The following UMAD1 variants were observed in gnomAD, a reference collection of about 807,000 sequenced individuals.
The protein encoded by UMAD1 is UBAP1-MVB12-associated (UMA) domain containing 1, also known as UBAP1-MVB12-associated (UMA)-domain containing protein 1.
Under a neutral mutation model 6.1 loss-of-function variants are expected in UMAD1, and 8 were observed. That is an observed-to-expected ratio of 1.30 (90% CI 0.76 to 2.35). The LOEUF (loss-of-function observed/expected upper bound fraction) is 2.35, where lower values mean the gene tolerates loss of function less well. UMAD1 is among the 30% of genes most tolerant of loss of function. The pLI is 0.00. For missense variants in UMAD1, 130 were observed against 78.4 expected (o/e 1.66, Z -2.49); for synonymous variants, 56 against 31.4 (o/e 1.78, Z -2.61).
intron 3 of UMAD1, among the ~76,000 whole-genome samples, chr7:7,848,220 C>T (rs1783847624): frequency 6.6e-6 from 1 of 152,176 alleles, no homozygotes; most frequent in Non-Finnish European, 1.5e-5. Context: ...TTAACAGACT[C>T]TGTTGTACTA....
chr7:7,827,045 A>G (rs975829219), intron 3 of UMAD1, among the ~76,000 whole-genome samples: 35 of 151,970 alleles, frequency 2.3e-4, no homozygotes, highest in African/African-American at 8.5e-4. Flanking sequence ...CCCCATTTGC[A>G]TAGTGCTGTG....
At chr7:7,711,742 G>T (rs994650558) in intron 2 of UMAD1, among the ~76,000 whole-genome samples, 1 of 151,964 alleles carries the variant, frequency 6.6e-6, no homozygotes, top group Non-Finnish European at 1.5e-5. Flanking sequence ...AAATTTTGTT[G>T]CATTTTAATG....
intron 1 of UMAD1, among the ~76,000 whole-genome samples, chr7:7,648,116 T>A (rs1785139226): frequency 6.6e-6 from 1 of 152,218 alleles, no homozygotes; most frequent in Non-Finnish European, 1.5e-5. Context: ...AACAGGCTGA[T>A]ACCAGCCAGT....
intron 3 of UMAD1, among the ~76,000 whole-genome samples, chr7:7,818,282 C>T (rs79876960): frequency 5.3e-5 from 8 of 152,164 alleles, no homozygotes; most frequent in African/African-American, 1.9e-4. Flanking sequence ...AGGCCTCCAG[C>T]TCCATCCATG....
In UMAD1 at chr7:7,784,908, G is replaced by T. The variant is rs867452122; in HGVS notation, c.83-16762G>T. ...CTCCCGAGTAGCTGGGACTACAGGC[G>T]CCCGCCACCTCGCCCGGCTAATTTT... On this transcript the variant is annotated intron_variant, in intron 2 of 3. Coordinates refer to ENST00000682710, the MANE Select transcript of UMAD1 (RefSeq NM_001302348.2). Among the ~76,000 whole-genome samples, 4 of 150,690 alleles carry T rather than the reference G, an allele frequency of 2.7e-5. 1 individual carries two copies. The highest frequency in any genetic ancestry group is 6.6e-5 in the Admixed American group (1 of 15,162).
intron 2 of UMAD1, chr7:7,738,671 A>G (rs1781406035): frequency 6.6e-6 from 1 of 152,168 alleles, no homozygotes; most frequent in African/African-American, 2.4e-5. Context: ...ATATGTAGGC[A>G]TTTCTGTATA....
At chr7:7,710,027 A>T (rs1780712991) in intron 2 of UMAD1, among the ~76,000 whole-genome samples, 1 of 152,178 alleles carries the variant, frequency 6.6e-6, no homozygotes, top group Non-Finnish European at 1.5e-5. Flanking sequence ...ATATAAATCG[A>T]GTCACTCACA....
chr7:7,759,105 T>C (rs534363435), intron 2 of UMAD1, among the ~76,000 whole-genome samples: 1 of 152,338 alleles, frequency 6.6e-6, no homozygotes, highest in South Asian at 2.1e-4. Flanking sequence ...TTGTTTGTGT[T>C]ACCTCACAGG....
intron 3 of UMAD1, among the ~76,000 whole-genome samples, chr7:7,815,164 C>G (rs934716050): frequency 6.6e-6 from 1 of 152,224 alleles, no homozygotes; most frequent in Admixed American, 6.5e-5. Flanking sequence ...TTTCATAACC[C>G]TTGCTGTAGT....
chr7:7,754,621 G>A (rs371510460), intron 2 of UMAD1, among the ~76,000 whole-genome samples: 2 of 152,194 alleles, frequency 1.3e-5, no homozygotes, highest in African/African-American at 2.4e-5. Context: ...AGAACTTGAA[G>A]TGTAACAAAT....
chr7:7,706,923 A>C (rs564971384), intron 2 of UMAD1, among the ~76,000 whole-genome samples: 2 of 152,334 alleles, frequency 1.3e-5, no homozygotes, highest in South Asian at 4.1e-4. Flanking sequence ...ATCCTAACAG[A>C]GGCCCAGGGA....
At chr7:7,807,122 A>C (rs535627317) in intron 3 of UMAD1, among the ~76,000 whole-genome samples, 1 of 152,240 alleles carries the variant, frequency 6.6e-6, no homozygotes, top group South Asian at 2.1e-4. Context: ...ATTTGTGGAA[A>C]ATTTAGCAAA....
intron 2 of UMAD1, among the ~76,000 whole-genome samples, chr7:7,746,382 A>G (rs547447328): frequency 4.9e-4 from 74 of 152,318 alleles, no homozygotes; most frequent in African/African-American, 1.8e-3. Context: ...CAAAGAAAAT[A>G]TACAATTTTA....
At chr7:7,645,370 A>C (rs1056625677) in intron 1 of UMAD1, among the ~76,000 whole-genome samples, 1 of 152,182 alleles carries the variant, frequency 6.6e-6, no homozygotes, top group Non-Finnish European at 1.5e-5. Flanking sequence ...GCAACTTAGT[A>C]CTTATGTGGT....
chr7:7,737,459 G>A (rs1056525296), intron 2 of UMAD1, among the ~76,000 whole-genome samples: 2 of 152,078 alleles, frequency 1.3e-5, no homozygotes, highest in Non-Finnish European at 2.9e-5. Context: ...TTTTTATCTT[G>A]TGCATTATTC....
intron 3 of UMAD1, among the ~76,000 whole-genome samples, chr7:7,817,809 G>A (rs1246610503): frequency 6.6e-6 from 1 of 152,030 alleles, no homozygotes; most frequent in Admixed American, 6.6e-5. Context: ...GTTTCAGTAT[G>A]TTCCCCCCAC....
chr7:7,728,545 A>T (rs1175145744), intron 2 of UMAD1, among the ~76,000 whole-genome samples: 1 of 151,908 alleles, frequency 6.6e-6, no homozygotes, highest in Non-Finnish European at 1.5e-5. Flanking sequence ...TCAGGAGGCT[A>T]AGGCAGGAGA....
intron 2 of UMAD1, among the ~76,000 whole-genome samples, chr7:7,789,617 T>TCCCCCCCCCC (rs201727587): frequency 2.0e-5 from 2 of 101,044 alleles, no homozygotes; most frequent in African/African-American, 7.4e-5. Flanking sequence ...AAATACCCCT[T>TCCCCCCCCCC]CTCCCCTCCC....
chr7:7,846,540 T>G (rs932672099), intron 3 of UMAD1, among the ~76,000 whole-genome samples: 1 of 152,140 alleles, frequency 6.6e-6, no homozygotes, highest in African/African-American at 2.4e-5. Context: ...CAGATGATAC[T>G]ATCTTAAAAA....
Sources: gnomAD v4.1 joint callset for allele counts (sites outside exome capture counted in the v4.1 genomes callset) on GRCh38, gnomAD v4.1.1 for gene constraint, MANE v1.5 for transcripts, NCBI Gene and HGNC (gene_info 2026-07-23, HGNC 2026-07-21) for gene names.